The following TCF12 variants were observed in gnomAD, a reference collection of about 807,000 sequenced individuals.
TCF12 encodes transcription factor 12, also known as DNA-binding protein HTF4.
In TCF12, 45 loss-of-function variants were observed where a neutral mutation model predicts 86.0. That is an observed-to-expected ratio of 0.52 (90% CI 0.41 to 0.67). The LOEUF (loss-of-function observed/expected upper bound fraction) is 0.67. Ranked by LOEUF, TCF12 falls within the 30% of genes least tolerant of loss-of-function variation. TCF12 has a pLI of 0.00. For missense variants in TCF12, 881 were observed against 859.9 expected (o/e 1.02, Z -0.31); for synonymous variants, 330 against 299.6 (o/e 1.10, Z -1.05).
chr15:57,072,721 GT>G (rs1567363592), intron 4 of TCF12: 12 of 1,300,908 alleles, frequency 9.2e-6, no homozygotes, highest in Non-Finnish European at 1.2e-5. Context: ...TAAAGTAAGT[GT>G]TTTCTATATA....
chr15:57,132,869 T>C (rs1454739729), intron 5 of TCF12, among the ~76,000 whole-genome samples: 5 of 152,228 alleles, frequency 3.3e-5, no homozygotes, highest in African/African-American at 1.2e-4. Context: ...TGTCTAATTA[T>C]AGCAATGTTT....
chr15:57,268,635 G>C (rs1174261394), intron 18 of TCF12, among the ~76,000 whole-genome samples: 2 of 152,108 alleles, frequency 1.3e-5, no homozygotes, highest in Admixed American at 6.5e-5. Flanking sequence ...TTATTTCAAG[G>C]TTCTGAGAAG....
chr15:56,953,201 T>TGTG (rs1486525698), intron 3 of TCF12, among the ~76,000 whole-genome samples: 1 of 152,036 alleles, frequency 6.6e-6, no homozygotes, highest in Non-Finnish European at 1.5e-5. Context: ...ATAAACCCCA[T>TGTG]GTGGCTATGA....
At chr15:57,166,528 T>C (rs1393705695) in intron 6 of TCF12, 62 bp downstream of exon 6, 1 of 1,375,238 alleles carries the variant, frequency 7.3e-7, no homozygotes, top group East Asian at 2.3e-5. Flanking sequence ...AAAGGCTCTA[T>C]TAATAGATGA....
chr15:56,934,122 C>G (rs1347692454), intron 3 of TCF12, among the ~76,000 whole-genome samples: 1 of 151,994 alleles, frequency 6.6e-6, no homozygotes, highest in Non-Finnish European at 1.5e-5. Flanking sequence ...TAATTGTATT[C>G]CAAACCATAG....
chr15:57,024,647 A>G (rs893953516), intron 3 of TCF12, among the ~76,000 whole-genome samples: 9 of 152,256 alleles, frequency 5.9e-5, no homozygotes, highest in Non-Finnish European at 1.3e-4. Flanking sequence ...CTGCTGCCAA[A>G]GGAGCTTGCC....
chr15:57,240,428 G>A (rs751022667), intron 12 of TCF12, among the ~76,000 whole-genome samples: 3 of 152,150 alleles, frequency 2.0e-5, no homozygotes, highest in Non-Finnish European at 4.4e-5. Flanking sequence ...TAGAACTGAC[G>A]ATTTCTCACT....
At chr15:57,042,570 T>C (rs2066967407) in intron 3 of TCF12, among the ~76,000 whole-genome samples, 1 of 152,092 alleles carries the variant, frequency 6.6e-6, no homozygotes, top group South Asian at 2.1e-4. Flanking sequence ...CGCACCACCA[T>C]TCCTGGCTAA....
intron 3 of TCF12, among the ~76,000 whole-genome samples, chr15:56,941,830 AG>A (rs2060794363): frequency 6.6e-6 from 1 of 151,992 alleles, no homozygotes; most frequent in Non-Finnish European, 1.5e-5. Flanking sequence ...ATCAGTCTGG[AG>A]GTATGATCTC....
At chr15:57,039,712 C>T (rs1000343756) in intron 3 of TCF12, among the ~76,000 whole-genome samples, 18 of 152,172 alleles carry the variant, frequency 1.2e-4, no homozygotes, top group East Asian at 9.7e-4. Context: ...TTATTAAGTC[C>T]GTAGACCTTC....
At chr15:57,082,801 C>T (rs972094160) in intron 4 of TCF12, among the ~76,000 whole-genome samples, 6 of 152,136 alleles carry the variant, frequency 3.9e-5, no homozygotes, top group Admixed American at 2.6e-4. Context: ...CCAGTAATTT[C>T]ACATTTAGAT....
chr15:57,067,534 G>A (rs1212585694), intron 4 of TCF12, among the ~76,000 whole-genome samples: 4 of 74,588 alleles, frequency 5.4e-5, no homozygotes, highest in South Asian at 6.1e-4. Context: ...GCGAGACTCC[G>A]TCTCAAAAAA....
At chr15:56,954,045 T>G (rs1304191171) in intron 3 of TCF12, among the ~76,000 whole-genome samples, 2 of 152,096 alleles carry the variant, frequency 1.3e-5, no homozygotes, top group Admixed American at 1.3e-4. Context: ...ATATAGGCCT[T>G]TAGTGCTATA....
intron 5 of TCF12, among the ~76,000 whole-genome samples, chr15:57,156,204 A>G (rs377497198): frequency 2.2e-4 from 33 of 152,326 alleles, no homozygotes; most frequent in East Asian, 1.7e-3. Flanking sequence ...CCTTTTTACT[A>G]TGTGCAGTGT....
chr15:57,045,980 C>G (rs558703458), intron 3 of TCF12, among the ~76,000 whole-genome samples: 3 of 152,342 alleles, frequency 2.0e-5, no homozygotes, highest in Admixed American at 6.5e-5. Context: ...TCATAAGCAG[C>G]AGATGACTGC....
chr15:57,273,118 T>G lies in TCF12; in HGVS notation c.1834T>G (p.Leu612Val). 6 of 1,614,214 alleles carry G rather than the reference T, an allele frequency of 3.7e-6. No individual in the cohort carries two copies. Among genetic ancestry groups the G allele is most frequent in the Non-Finnish European group, 5.1e-6 (6 of 1,180,026 alleles). ...RRMANNARER[L>V]RVRDINEAFK... ...GATGGCTAACAATGCCAGAGAACGCTTACGCGTGCGGGATATTAATGAAGC... is the reference window on the plus strand; with the variant it reads ...GATGGCTAACAATGCCAGAGAACGCGTACGCGTGCGGGATATTAATGAAGC... Residue 612 changes from leucine to valine, a missense_variant, in exon 19 of 21, where the codon TTA becomes GTA. By Grantham distance (32) the Leu-to-Val change is conservative (BLOSUM62 1). This residue lies in a region of TCF12 where 46 missense variants were observed against 76.7 expected (regional missense o/e 0.60). Coordinates refer to ENST00000333725, the MANE Select transcript of TCF12 (RefSeq NM_207037.2).
intron 4 of TCF12, among the ~76,000 whole-genome samples, chr15:57,085,482 G>A (rs2048562351): frequency 6.6e-6 from 1 of 152,140 alleles, no homozygotes; most frequent in South Asian, 2.1e-4. Flanking sequence ...CTTGTCCCTT[G>A]TGAGAGATTA....
At chr15:57,241,918 G>GT (rs1352560306) in intron 12 of TCF12, among the ~76,000 whole-genome samples, 1 of 120,858 alleles carries the variant, frequency 8.3e-6, no homozygotes, top group Admixed American at 7.8e-5. Flanking sequence ...CTTGAACCTT[G>GT]TAGGTGGAGG....
intron 5 of TCF12, among the ~76,000 whole-genome samples, chr15:57,131,070 G>A (rs1178913814): frequency 6.6e-6 from 1 of 152,150 alleles, no homozygotes; most frequent in Non-Finnish European, 1.5e-5. Flanking sequence ...GTTATTGTCA[G>A]ACATACTGTT....
Sources: gnomAD v4.1 joint callset for allele counts (sites outside exome capture counted in the v4.1 genomes callset) on GRCh38, gnomAD v4.1.1 for gene constraint, gnomAD v4.1.1 regional missense constraint, MANE v1.5 for transcripts, NCBI Gene and HGNC (gene_info 2026-07-23, HGNC 2026-07-21) for gene names.